Variants in SEMA6D observed in about 807,000 individuals in gnomAD.
The protein encoded by SEMA6D is semaphorin-6D.
Under a neutral mutation model 106.6 loss-of-function variants are expected in SEMA6D, and 35 were observed. That is an observed-to-expected ratio of 0.33 (90% CI 0.25 to 0.44). SEMA6D has a LOEUF of 0.44. Ranked by LOEUF, SEMA6D falls within the 20% of genes least tolerant of loss-of-function variation. The pLI is 1.00. For missense variants in SEMA6D, 1,185 were observed against 1,345.9 expected (o/e 0.88, Z 1.87); for synonymous variants, 499 against 487.7 (o/e 1.02, Z -0.31).
intron 3 of SEMA6D, among the ~76,000 whole-genome samples, chr15:47,512,470 G>C (rs1231779808): frequency 2.0e-5 from 3 of 152,222 alleles, no homozygotes; most frequent in Non-Finnish European, 4.4e-5. Flanking sequence ...GTGTAGTCCT[G>C]ACAGGTGGGC....
intron 3 of SEMA6D, among the ~76,000 whole-genome samples, chr15:47,533,041 GA>G (rs1001888636): frequency 2.0e-5 from 3 of 151,034 alleles, no homozygotes; most frequent in Non-Finnish European, 3.0e-5. Flanking sequence ...AAGTAAAACA[GA>G]AAAAAAAAGT....
chr15:47,662,380 TGAGTGCA>T, intron 4 of SEMA6D, among the ~76,000 whole-genome samples: 1 of 152,330 alleles, frequency 6.6e-6, no homozygotes, highest in South Asian at 2.1e-4. Flanking sequence ...CCATCTTCTT[TGAGTGCA>T]CCACTGAAAC....
At chr15:47,579,000 G>C (rs2076207796) in intron 3 of SEMA6D, among the ~76,000 whole-genome samples, 1 of 152,134 alleles carries the variant, frequency 6.6e-6, no homozygotes, top group Non-Finnish European at 1.5e-5. Context: ...GTTGTGTTTT[G>C]AGGAAACTAC....
intron 1 of SEMA6D, among the ~76,000 whole-genome samples, chr15:47,238,407 C>T (rs1239872928): frequency 2.0e-5 from 3 of 152,118 alleles, no homozygotes; most frequent in Admixed American, 1.3e-4. Flanking sequence ...CCCCTCACCC[C>T]CCAGAGTATA....
intron 1 of SEMA6D, among the ~76,000 whole-genome samples, chr15:47,216,477 G>C (rs1019808138): frequency 6.6e-6 from 1 of 152,084 alleles, no homozygotes; most frequent in East Asian, 1.9e-4. Context: ...TAACCAGAAC[G>C]TATTCTTTTC....
chr15:47,552,052 A>G (rs138259751), intron 3 of SEMA6D, among the ~76,000 whole-genome samples: 2 of 152,234 alleles, frequency 1.3e-5, no homozygotes, highest in Non-Finnish European at 2.9e-5. Context: ...AAAAAAAGAC[A>G]GTCATACACA....
intron 4 of SEMA6D, among the ~76,000 whole-genome samples, chr15:47,612,136 T>C (rs936923934): frequency 2.0e-5 from 3 of 152,164 alleles, no homozygotes; most frequent in African/African-American, 7.2e-5. Context: ...GAGAATGATA[T>C]ACTCTCCAGA....
intron 1 of SEMA6D, among the ~76,000 whole-genome samples, chr15:47,331,139 C>T (rs2037326471): frequency 6.6e-6 from 1 of 152,108 alleles, no homozygotes; most frequent in African/African-American, 2.4e-5. Context: ...CATCTCAGGC[C>T]ACAGTGAAAA....
chr15:47,699,446 G>A (rs1182092763), intron 4 of SEMA6D, among the ~76,000 whole-genome samples: 4 of 152,124 alleles, frequency 2.6e-5, no homozygotes, highest in African/African-American at 4.8e-5. Flanking sequence ...AGTGAAGTTT[G>A]GCTTTACTTG....
At chr15:47,675,227 T>C (rs2078219070) in intron 4 of SEMA6D, among the ~76,000 whole-genome samples, 1 of 152,134 alleles carries the variant, frequency 6.6e-6, no homozygotes, top group African/African-American at 2.4e-5. Context: ...ATGGGTGAAA[T>C]TGTGTCTCCC....
At chr15:47,552,826 A>ATAT (rs1555389632) in intron 3 of SEMA6D, among the ~76,000 whole-genome samples, 9 of 51,588 alleles carry the variant, frequency 1.7e-4, no homozygotes, top group South Asian at 5.3e-4. Flanking sequence ...AAATATATAT[A>ATAT]TTTTTATATA....
At chr15:47,484,778 T>C (rs2043250366) in intron 3 of SEMA6D, among the ~76,000 whole-genome samples, 1 of 152,184 alleles carries the variant, frequency 6.6e-6, no homozygotes, top group South Asian at 2.1e-4. Flanking sequence ...ATTCTGTTTC[T>C]CATTCCTTAA....
intron 3 of SEMA6D, among the ~76,000 whole-genome samples, chr15:47,548,792 G>T (rs577897144): frequency 6.6e-6 from 1 of 152,060 alleles, no homozygotes; most frequent in East Asian, 1.9e-4. Context: ...GCACATATGT[G>T]TATAATGTTC....
chr15:47,770,536 T>A lies in SEMA6D; in HGVS notation c.1973T>A (p.Met658Lys). 1 of 1,608,758 alleles carries A rather than the reference T, an allele frequency of 6.2e-7. No homozygotes were observed. Among genetic ancestry groups the A allele is most frequent in the Non-Finnish European group, 8.5e-7 (1 of 1,175,662 alleles). The change falls in exon 19 of 19, where the codon ATG becomes AAG. Residue 658 changes from methionine to lysine, a missense_variant. Met to Lys is a moderately conservative substitution (Grantham distance 95, BLOSUM62 -1). Around this residue, in one of 3 missense-constraint regions of SEMA6D, gnomAD observed 750 missense variants for 783.5 expected, o/e 0.96. Coordinates refer to ENST00000536845, the MANE Select transcript of SEMA6D (RefSeq NM_001358351.3). ...GTCCAGTCTGGAGAGTCCAACCAGA[T>A]GGTCCACATGAATGTCCTCATCACC... is the stretch of plus-strand genomic sequence containing the variant. ...WEVQSGESNQ[M>K]VHMNVLITCV...
chr15:47,647,251 A>G (rs1039179887), intron 4 of SEMA6D, among the ~76,000 whole-genome samples: 1 of 152,212 alleles, frequency 6.6e-6, no homozygotes, highest in Non-Finnish European at 1.5e-5. Context: ...AGTAAGTCCT[A>G]TTAAAACAAT....
chr15:47,251,709 A>G (rs2033520678), intron 1 of SEMA6D, among the ~76,000 whole-genome samples: 1 of 152,090 alleles, frequency 6.6e-6, no homozygotes, highest in East Asian at 1.9e-4. Flanking sequence ...TATCTCAGCA[A>G]TGTCTACTTA....
rs193231678 is a variant in SEMA6D at position 47,687,940 on chromosome 15, A to G, written c.-54-71805A>G. On this transcript the variant is annotated intron_variant, in intron 4 of 19. Transcript: ENST00000558014. ...ATAAGGGCTAAAATTTAGGACATGT[A>G]GAATTTTGATAGCTCATGTTCCTGT... Among the ~76,000 whole-genome samples the G allele has an allele frequency of 9.9e-4, 151 of 152,306 alleles. 1 individual carries two copies. The highest frequency in any genetic ancestry group is 1.8e-4 in the Non-Finnish European group (12 of 68,016).
chr15:47,257,671 A>C (rs2033879446), intron 1 of SEMA6D, among the ~76,000 whole-genome samples: 1 of 152,050 alleles, frequency 6.6e-6, no homozygotes, highest in African/African-American at 2.4e-5. Flanking sequence ...TAAATTTGTG[A>C]AATGTGTTTT....
intron 1 of SEMA6D, among the ~76,000 whole-genome samples, chr15:47,288,533 T>G (rs762612658): frequency 2.6e-5 from 4 of 152,208 alleles, no homozygotes; most frequent in Admixed American, 6.5e-5. Flanking sequence ...ATAGTGGAGC[T>G]AGAATTGAAA....
Sources: gnomAD v4.1 joint callset for allele counts (sites outside exome capture counted in the v4.1 genomes callset) on GRCh38, gnomAD v4.1.1 for gene constraint, gnomAD v4.1.1 regional missense constraint, MANE v1.5 for transcripts, NCBI Gene and HGNC (gene_info 2026-07-23, HGNC 2026-07-21) for gene names.